PCDH15: variants seen among roughly 807,000 people sequenced by gnomAD.
PCDH15 encodes protocadherin related 15, also known as protocadherin-15.
In PCDH15, 129 loss-of-function variants were observed where a neutral mutation model predicts 178.5. The ratio of observed to expected loss-of-function variants is 0.72; its 90% CI spans 0.63 to 0.84. The LOEUF is 0.84. Ranked by LOEUF, PCDH15 falls within the 40% of genes least tolerant of loss-of-function variation. PCDH15 has a pLI of 0.00. For synonymous variants in PCDH15, 800 were observed against 732.0 expected (o/e 1.09, Z -1.50); for missense variants, 2,230 against 2,099.9 (o/e 1.06, Z -1.21).
intron 21 of PCDH15, among the ~76,000 whole-genome samples, chr10:53,983,894 C>G (rs1382311340): frequency 2.0e-5 from 3 of 151,978 alleles, no homozygotes; most frequent in Non-Finnish European, 4.4e-5. Flanking sequence ...CAGGATCCAA[C>G]TTAGGTTTCC....
Position 55,030,596 on chromosome 10 carries a change from A to G in PCDH15, c.-79-133096T>C, listed in dbSNP as rs545566688. Among the ~76,000 whole-genome samples the G allele has an allele frequency of 2.6e-4, 40 of 152,328 alleles. No individual in the cohort carries two copies. The South Asian group carries it at 4.1e-3, about 16-fold the overall frequency. ...GAAAAGTTAGATCAAGTAAGAGAGAAACATATCACAGTTCTTAAATTTATA... is the reference window on the plus strand; with the variant it reads ...GAAAAGTTAGATCAAGTAAGAGAGAGACATATCACAGTTCTTAAATTTATA... On this transcript the variant is annotated intron_variant, in intron 2 of 5. Transcript: ENST00000458638.
chr10:54,840,052 C>A (rs1164278912), intron 3 of PCDH15, among the ~76,000 whole-genome samples: 1 of 151,826 alleles, frequency 6.6e-6, no homozygotes, highest in Non-Finnish European at 1.5e-5. Flanking sequence ...TAATAAATGC[C>A]AAAAGAATTC....
chr10:55,404,069 C>T (rs968736255), intron 2 of PCDH15, among the ~76,000 whole-genome samples: 2 of 151,914 alleles, frequency 1.3e-5, no homozygotes, highest in African/African-American at 4.8e-5. Context: ...AGAGCAATTA[C>T]TGAGATGTAA....
intron 2 of PCDH15, among the ~76,000 whole-genome samples, chr10:55,396,680 G>A (rs755743654): frequency 6.6e-6 from 1 of 152,224 alleles, no homozygotes; most frequent in Non-Finnish European, 1.5e-5. Flanking sequence ...TGCAGGTGCA[G>A]ATTCCAGAAG....
intron 3 of PCDH15, among the ~76,000 whole-genome samples, chr10:54,424,032 A>T (rs1034535977): frequency 2.6e-5 from 4 of 152,050 alleles, no homozygotes; most frequent in African/African-American, 9.7e-5. Flanking sequence ...ATTAAACTAC[A>T]GAGCTTCTGC....
At chr10:53,898,752 A>G (rs531519480) in intron 26 of PCDH15, among the ~76,000 whole-genome samples, 1 of 152,296 alleles carries the variant, frequency 6.6e-6, no homozygotes, top group African/African-American at 2.4e-5. Flanking sequence ...CGTGCAAACC[A>G]ATCATTTGCA....
chr10:54,459,717 G>A (rs1489466925), intron 3 of PCDH15, among the ~76,000 whole-genome samples: 1 of 152,094 alleles, frequency 6.6e-6, no homozygotes, highest in Non-Finnish European at 1.5e-5. Flanking sequence ...TAAAATTGCA[G>A]TAATGGATGG....
rs937241049 is a variant in PCDH15 at position 53,882,027 on chromosome 10, T to C, written c.3502-15170A>G. 9.2e-5 allele frequency among the ~76,000 whole-genome samples: 14 copies of C among 151,964 alleles called. 1 individual carries two copies. The East Asian group carries it at 2.7e-3, about 29-fold the overall frequency. On this transcript the variant is annotated intron_variant, in intron 26 of 37. Transcript: ENST00000644397. ...TTTTTTAACATGGAGTTTGTTTCTG[T>C]TGCCCAGGCTAGAGTGCAATGGCAC...
At chr10:55,359,114 C>T (rs948012107) in intron 2 of PCDH15, among the ~76,000 whole-genome samples, 3 of 151,882 alleles carry the variant, frequency 2.0e-5, no homozygotes, top group Admixed American at 6.6e-5. Context: ...GGGAGGATTG[C>T]TTATGCCCAA....
chr10:54,423,480 G>T (rs572711906), intron 3 of PCDH15, among the ~76,000 whole-genome samples: 1 of 151,956 alleles, frequency 6.6e-6, no homozygotes, highest in East Asian at 1.9e-4. Flanking sequence ...AGAAGAGTTG[G>T]ATTGGAGTGG....
chr10:54,296,090 A>G (rs2059753232), intron 8 of PCDH15, among the ~76,000 whole-genome samples: 1 of 134,386 alleles, frequency 7.4e-6, no homozygotes, highest in Non-Finnish European at 1.5e-5. Flanking sequence ...GCTTGCAGGG[A>G]GCCGAGATCC....
At chr10:53,968,220 A>T (rs7896419) in intron 21 of PCDH15, among the ~76,000 whole-genome samples, 1 of 151,890 alleles carries the variant, frequency 6.6e-6, no homozygotes, top group Admixed American at 6.5e-5. Context: ...CGCCTGGCTC[A>T]GAGGGTCCCA....
intron 1 of PCDH15, among the ~76,000 whole-genome samples, chr10:55,222,730 C>CACACATATATATATATATATAT: frequency 2.5e-5 from 3 of 121,278 alleles, no homozygotes; most frequent in Admixed American, 8.1e-5. Flanking sequence ...CACACACACA[C>CACACATATATATATATATATAT]ATATATATAT....
intron 1 of PCDH15, among the ~76,000 whole-genome samples, chr10:55,296,670 T>A (rs1399923688): frequency 6.6e-6 from 1 of 152,172 alleles, no homozygotes; most frequent in Non-Finnish European, 1.5e-5. Context: ...GAAGCATTAA[T>A]ACATTGATTT....
intron 2 of PCDH15, among the ~76,000 whole-genome samples, chr10:55,394,126 G>C (rs1158136112): frequency 6.6e-6 from 1 of 151,944 alleles, no homozygotes. Flanking sequence ...TTCCAGGTTT[G>C]TTAGCGCATA....
intron 1 of PCDH15, among the ~76,000 whole-genome samples, chr10:55,171,460 A>G (rs997475431): frequency 6.6e-6 from 1 of 152,126 alleles, no homozygotes; most frequent in Non-Finnish European, 1.5e-5. Flanking sequence ...TCATCCTTCT[A>G]GTAACTTCAT....
chr10:54,718,876 T>C (rs1203531983), intron 1 of PCDH15, among the ~76,000 whole-genome samples: 2 of 151,844 alleles, frequency 1.3e-5, no homozygotes, highest in East Asian at 3.9e-4. Flanking sequence ...TTTGTATTTT[T>C]AGTAGAGACG....
chr10:55,169,426 T>G (rs932737527), intron 1 of PCDH15, among the ~76,000 whole-genome samples: 5 of 152,204 alleles, frequency 3.3e-5, no homozygotes, highest in African/African-American at 1.2e-4. Context: ...ACCAACAAGA[T>G]TCATTATTTA....
At chr10:54,559,094 A>G (rs988407311) in intron 2 of PCDH15, among the ~76,000 whole-genome samples, 7 of 152,054 alleles carry the variant, frequency 4.6e-5, no homozygotes, top group Non-Finnish European at 2.9e-5. Context: ...TCTGCATCCC[A>G]GTTTTCCCTT....
Sources: allele counts gnomAD v4.1 joint callset (sites outside exome capture counted in the v4.1 genomes callset), GRCh38; gene constraint gnomAD v4.1.1; transcripts MANE v1.5; gene names NCBI Gene and HGNC (gene_info 2026-07-23, HGNC 2026-07-21).